PDE1C: variants seen among roughly 807,000 people sequenced by gnomAD.
PDE1C encodes dual specificity calcium/calmodulin-dependent 3',5'-cyclic nucleotide phosphodiesterase 1C.
A neutral mutation model predicts 93.1 loss-of-function variants in PDE1C; 62 were observed. That is an observed-to-expected ratio of 0.67 (90% CI 0.54 to 0.82). The LOEUF (loss-of-function observed/expected upper bound fraction) is 0.82, where lower values mean the gene tolerates loss of function less well. Ranked by LOEUF, PDE1C falls within the 40% of genes least tolerant of loss-of-function variation. The probability of loss-of-function intolerance (pLI) is 0.00; values close to 1 mark genes in which losing one functional copy is unlikely to be tolerated. For missense variants in PDE1C, 742 were observed against 884.6 expected (o/e 0.84, Z 2.04); for synonymous variants, 325 against 310.1 (o/e 1.05, Z -0.50).
chr7:32,132,497 A>G (rs1799974303), intron 3 of PDE1C, among the ~76,000 whole-genome samples: 1 of 151,784 alleles, frequency 6.6e-6, no homozygotes, highest in African/African-American at 2.4e-5. Flanking sequence ...CCATATCTAC[A>G]AAAAAATAGA....
chr7:32,090,883 G>A (rs1310036384), intron 3 of PDE1C, among the ~76,000 whole-genome samples: 1 of 152,222 alleles, frequency 6.6e-6, no homozygotes. Flanking sequence ...CGATGTGTGT[G>A]TTAACCTAGT....
At chr7:32,113,724 C>A (rs1283988622) in intron 3 of PDE1C, among the ~76,000 whole-genome samples, 1 of 151,944 alleles carries the variant, frequency 6.6e-6, no homozygotes, top group Non-Finnish European at 1.5e-5. Flanking sequence ...GGTATATTTT[C>A]TGAGAAAATT....
chr7:31,740,895 C>A, the PDE1C span, among the ~76,000 whole-genome samples: 1 of 151,722 alleles, frequency 6.6e-6, no homozygotes, highest in Admixed American at 6.6e-5. Flanking sequence ...GTAGCAAGAC[C>A]CTGTCTCTAC....
intron 1 of PDE1C, among the ~76,000 whole-genome samples, chr7:32,069,514 C>T (rs947000731): frequency 2.0e-5 from 3 of 152,060 alleles, no homozygotes; most frequent in Admixed American, 6.6e-5. Context: ...TACAGCTATC[C>T]CTCAAGCTCC....
chr7:31,917,133 C>G (rs1802026195), intron 2 of PDE1C, among the ~76,000 whole-genome samples: 1 of 152,152 alleles, frequency 6.6e-6, no homozygotes, highest in African/African-American at 2.4e-5. Flanking sequence ...AGAGAGACAC[C>G]CGCCTATAGG....
At chr7:31,868,155 G>T (rs539265920) in intron 6 of PDE1C, among the ~76,000 whole-genome samples, 1 of 152,294 alleles carries the variant, frequency 6.6e-6, no homozygotes, top group Non-Finnish European at 1.5e-5. Flanking sequence ...AAGGAAATAT[G>T]ACACTTCCAA....
At chr7:32,299,123 A>G in exon 1 of PDE1C, 1 of 1,027,658 alleles carries the variant, frequency 9.7e-7, no homozygotes, top group Non-Finnish European at 1.2e-6. Context: ...GCCACAGGAA[A>G]GTCTGTTTTC....
intron 1 of PDE1C, among the ~76,000 whole-genome samples, chr7:32,335,678 C>A (rs1004047137): frequency 6.6e-6 from 1 of 151,852 alleles, no homozygotes; most frequent in African/African-American, 2.4e-5. Flanking sequence ...ACCCTAGTGA[C>A]CTTGCTTTAC....
intron 2 of PDE1C, among the ~76,000 whole-genome samples, chr7:31,993,372 T>A (rs188261237): frequency 1.3e-5 from 2 of 152,188 alleles, no homozygotes; most frequent in East Asian, 1.9e-4. Context: ...CAAGCTTGAC[T>A]GGAATAAGGA....
At position 32,258,919 on chromosome 7, in the gene PDE1C, T is replaced by C. The variant is rs374747604; in HGVS notation, c.85+39732A>G. Among the ~76,000 whole-genome samples, 43 of 152,116 alleles carry C rather than the reference T, an allele frequency of 2.8e-4. No individual in the cohort carries two copies. In the South Asian group the frequency reaches 8.7e-3, roughly 31 times the overall value. ...CTTCCCATGTGTGACTTGGAAACAA[T>C]AGGATCTGCCTCTTGGAGCTGCTGG... On this transcript the variant is annotated intron_variant, in intron 1 of 18. Transcript: ENST00000396193.
intron 1 of PDE1C, among the ~76,000 whole-genome samples, chr7:32,380,713 A>G (rs538191814): frequency 9.2e-5 from 14 of 152,076 alleles, no homozygotes; most frequent in Non-Finnish European, 2.1e-4. Flanking sequence ...CCTTCTGGAA[A>G]CATGCACCTC....
intron 1 of PDE1C, among the ~76,000 whole-genome samples, chr7:32,268,770 T>C (rs1810777333): frequency 6.6e-6 from 1 of 152,226 alleles, no homozygotes; most frequent in South Asian, 2.1e-4. Flanking sequence ...CCAAAAAATA[T>C]GCCTCTTTTC....
chr7:31,656,595 G>C, the PDE1C span: 3 of 535,332 alleles, frequency 5.6e-6, no homozygotes, highest in Non-Finnish European at 7.2e-6. Flanking sequence ...AATGAGATGA[G>C]GATAAATTAT....
At chr7:32,408,585 T>C (rs919504741) in intron 1 of PDE1C, among the ~76,000 whole-genome samples, 3 of 152,112 alleles carry the variant, frequency 2.0e-5, no homozygotes, top group South Asian at 2.1e-4. Flanking sequence ...GGTCAGTAGT[T>C]CGAGACCAGC....
At chr7:31,878,309 A>T (rs1358559526) in intron 4 of PDE1C, among the ~76,000 whole-genome samples, 1 of 152,210 alleles carries the variant, frequency 6.6e-6, no homozygotes, top group Non-Finnish European at 1.5e-5. Flanking sequence ...TAAATGGGTC[A>T]CTTCTTCCGC....
At chr7:31,714,851 A>C in the PDE1C span, among the ~76,000 whole-genome samples, 1 of 152,200 alleles carries the variant, frequency 6.6e-6, no homozygotes, top group African/African-American at 2.4e-5. Flanking sequence ...ACACGTTGGA[A>C]TTCAAGATGA....
intron 2 of PDE1C, among the ~76,000 whole-genome samples, chr7:32,013,801 T>C (rs1452321097): frequency 1.3e-5 from 2 of 152,202 alleles, no homozygotes; most frequent in African/African-American, 2.4e-5. Context: ...TTTGAATACA[T>C]TTTGCTTCTA....
At chr7:32,089,946 CT>C (rs534011890) in intron 3 of PDE1C, among the ~76,000 whole-genome samples, 235 of 152,298 alleles carry the variant, frequency 1.5e-3, no homozygotes, top group Non-Finnish European at 2.9e-3. Flanking sequence ...GCCTGCTTCA[CT>C]AAGGCAGGAC....
At chr7:32,020,405 AT>A (rs534053583) in intron 2 of PDE1C, among the ~76,000 whole-genome samples, 88 of 152,038 alleles carry the variant, frequency 5.8e-4, no homozygotes, top group Middle Eastern at 3.4e-3. Flanking sequence ...AGAAAAAAAA[AT>A]TTTTTTAAGG....
Sources: allele counts gnomAD v4.1 joint callset (sites outside exome capture counted in the v4.1 genomes callset), GRCh38; gene constraint gnomAD v4.1.1; transcripts MANE v1.5; gene names NCBI Gene and HGNC (gene_info 2026-07-23, HGNC 2026-07-21).